Variants in NPR3 observed in about 807,000 individuals in gnomAD.
NPR3 encodes natriuretic peptide receptor 3, also known as atrial natriuretic peptide receptor 3.
Under a neutral mutation model 54.5 loss-of-function variants are expected in NPR3, and 34 were observed. The observed-to-expected ratio is 0.62, with a 90% CI of 0.47 to 0.83. The LOEUF (loss-of-function observed/expected upper bound fraction) is 0.83. Ranked by LOEUF, NPR3 falls within the 40% of genes least tolerant of loss-of-function variation. NPR3 has a pLI of 0.00. For missense variants in NPR3, 674 were observed against 720.8 expected, an observed-to-expected ratio of 0.94 and a Z score of 0.74; for synonymous variants, 289 against 297.1, an observed-to-expected ratio of 0.97 and a Z score of 0.28.
intron 3 of NPR3, among the ~76,000 whole-genome samples, chr5:32,767,631 T>C (rs1480344509): frequency 2.0e-5 from 3 of 152,186 alleles, no homozygotes; most frequent in African/African-American, 7.2e-5. Flanking sequence ...AAATTAAGAA[T>C]TGGACAAAAT....
At chr5:32,720,305 T>C (rs952095675) in intron 1 of NPR3, among the ~76,000 whole-genome samples, 3 of 152,182 alleles carry the variant, frequency 2.0e-5, no homozygotes, top group Non-Finnish European at 2.9e-5. Context: ...GGAGTGTAAA[T>C]GAAAGCACAT....
intron 1 of NPR3, among the ~76,000 whole-genome samples, chr5:32,723,246 A>T (rs1462161239): frequency 3.3e-5 from 5 of 152,230 alleles, no homozygotes; most frequent in African/African-American, 1.2e-4. Flanking sequence ...ACACAGTGGT[A>T]CCGGTCATGG....
chr5:32,757,525 A>G (rs1467946699), intron 3 of NPR3, among the ~76,000 whole-genome samples: 1 of 152,212 alleles, frequency 6.6e-6, no homozygotes, highest in Non-Finnish European at 1.5e-5. Flanking sequence ...TTTTCTAAAT[A>G]TACAGTCATG....
At chr5:32,750,865 A>G (rs1740539630) in intron 3 of NPR3, among the ~76,000 whole-genome samples, 1 of 152,236 alleles carries the variant, frequency 6.6e-6, no homozygotes, top group Non-Finnish European at 1.5e-5. Context: ...ACAGACAAGC[A>G]AAACACACGA....
In NPR3 at chr5:32,784,977, C is replaced by G. The variant is rs948980275; in HGVS notation, c.1514+94C>G. The G allele has an allele frequency of 2.2e-5, 23 of 1,036,156 alleles. 1 individual carries two copies. The highest frequency in any genetic ancestry group is 3.4e-5 in the Non-Finnish European group (23 of 675,190). The allele number at this position is 1,036,156 out of a possible 1,614,324, so 64.2% of individuals were successfully genotyped here. On this transcript the variant is annotated intron_variant, in intron 7 of 7. Coordinates refer to ENST00000265074, the MANE Select transcript of NPR3 (RefSeq NM_001204375.2). ...CTCTTTGTGATTTGTCCACATCCCT[C>G]TTTCACCCAGGAAGCACGGTGGTTA...
chr5:32,720,134 C>T (rs935385592), intron 1 of NPR3, among the ~76,000 whole-genome samples: 7 of 152,154 alleles, frequency 4.6e-5, no homozygotes, highest in African/African-American at 1.7e-4. Context: ...TGCAAATCTC[C>T]CCTGCTAACT....
chr5:32,771,415 T>G (rs1431132038), intron 3 of NPR3, among the ~76,000 whole-genome samples: 4 of 152,214 alleles, frequency 2.6e-5, no homozygotes, highest in Non-Finnish European at 5.9e-5. Context: ...AGGGCCCGTC[T>G]ATTTCCTTCT....
rs777473473 is a variant in NPR3 at position 32,789,624 on chromosome 5, C to A, written c.*3279C>A. On this transcript the variant is annotated 3_prime_UTR_variant, in exon 8 of 8. Transcript: ENST00000265074. Reference sequence around the variant, plus strand: ...TGGAATGCCCTCACTTCTCCCTATTCACAGGCTTCTAAAATCATTAATTTA... The same window carrying A: ...TGGAATGCCCTCACTTCTCCCTATTAACAGGCTTCTAAAATCATTAATTTA... The A allele has an allele frequency of 3.7e-6, 2 of 534,776 alleles. No homozygotes were observed. The highest frequency in any genetic ancestry group is 1.1e-4 in the East Asian group (2 of 18,340). The allele number at this position is 534,776 out of a possible 1,614,324, so 33.1% of individuals were successfully genotyped here.
Position 32,780,942 on chromosome 5 carries a change from C to T in NPR3, c.1290+126C>T, listed in dbSNP as rs1203101686. 32 of 612,034 alleles carry T rather than the reference C, an allele frequency of 5.2e-5. No homozygotes were observed. In the South Asian group the frequency reaches 6.0e-4, roughly 12 times the overall value. The allele number at this position is 612,034 out of a possible 1,614,324, so 37.9% of individuals were successfully genotyped here. ...TCCAAATAAAAATGAGTTGAAAAAC[C>T]TCAACTTTTGATTGAGGGTTCAAGG... On this transcript the variant is annotated intron_variant, in intron 5 of 7. Transcript: ENST00000265074.
At chr5:32,720,228 C>A (rs796608659) in intron 1 of NPR3, among the ~76,000 whole-genome samples, 8 of 152,276 alleles carry the variant, frequency 5.3e-5, no homozygotes, top group African/African-American at 1.9e-4. Flanking sequence ...AAAGACTGAG[C>A]CAGCATACTC....
At chr5:32,715,686 A>G (rs1025803238) in intron 1 of NPR3, among the ~76,000 whole-genome samples, 1 of 152,210 alleles carries the variant, frequency 6.6e-6, no homozygotes, top group African/African-American at 2.4e-5. Flanking sequence ...TTAACAATAA[A>G]TTTAGTTTTA....
intron 3 of NPR3, among the ~76,000 whole-genome samples, chr5:32,759,762 T>A (rs1042148813): frequency 6.6e-6 from 1 of 152,226 alleles, no homozygotes; most frequent in East Asian, 1.9e-4. Flanking sequence ...CCTTTCCATG[T>A]TTAGTGCTTC....
intron 1 of NPR3, among the ~76,000 whole-genome samples, chr5:32,695,366 G>A (rs548646924): frequency 6.6e-6 from 1 of 152,268 alleles, no homozygotes; most frequent in Non-Finnish European, 1.5e-5. Flanking sequence ...CTGGGTTCAC[G>A]CCATTCTCCT....
intron 1 of NPR3, among the ~76,000 whole-genome samples, chr5:32,717,551 C>A (rs1445228685): frequency 6.6e-6 from 1 of 152,198 alleles, no homozygotes; most frequent in Non-Finnish European, 1.5e-5. Context: ...GCCATTCTAA[C>A]TGGCATGAGA....
chr5:32,696,074 G>A (rs377420356), intron 1 of NPR3, among the ~76,000 whole-genome samples: 1 of 152,136 alleles, frequency 6.6e-6, no homozygotes, highest in Non-Finnish European at 1.5e-5. Context: ...TGCTTGTGGG[G>A]TATTACTCAA....
At chr5:32,713,472 C>G (rs1229660549) in intron 1 of NPR3, 9 of 984,908 alleles carry the variant, frequency 9.1e-6, no homozygotes, top group Non-Finnish European at 1.1e-5. Flanking sequence ...ACTGAGATGC[C>G]GGTATAGCGC....
intron 4 of NPR3, among the ~76,000 whole-genome samples, chr5:32,779,738 T>C (rs1006627075): frequency 6.6e-6 from 1 of 152,220 alleles, no homozygotes; most frequent in Non-Finnish European, 1.5e-5. Context: ...GCTCCTCCTC[T>C]GAGTGATGTG....
In NPR3 at chr5:32,711,958, AG is replaced by A; in HGVS notation, c.184del (p.Asp62MetfsTer126). On this transcript the variant is annotated frameshift_variant, in exon 1 of 8. Coordinates refer to ENST00000265074, the MANE Select transcript of NPR3 (RefSeq NM_001204375.2). LOFTEE classifies it high-confidence loss of function. ...ATCGAGGTGCTGGTGTTACTGCCCC[AG>A]GATGACTCGTACTTGTTTTCACTCA... ...QKIEVLVLLP[Q>X]DDSYLFSLTR... The A allele has an allele frequency of 6.3e-7, 1 of 1,585,226 alleles. No homozygotes were observed. The highest frequency in any genetic ancestry group is 1.8e-5 in the Admixed American group (1 of 54,324).
At chr5:32,742,697 T>A (rs1315281204) in intron 3 of NPR3, among the ~76,000 whole-genome samples, 2 of 152,198 alleles carry the variant, frequency 1.3e-5, no homozygotes, top group Non-Finnish European at 2.9e-5. Context: ...CACTTAAGCA[T>A]GATGTTTGCT....
Sources: gnomAD v4.1 joint callset for allele counts (sites outside exome capture counted in the v4.1 genomes callset) on GRCh38, gnomAD v4.1.1 for gene constraint, MANE v1.5 for transcripts, NCBI Gene and HGNC (gene_info 2026-07-23, HGNC 2026-07-21) for gene names.